CARMIL1: variants seen among roughly 807,000 people sequenced by gnomAD.
The protein encoded by CARMIL1 is capping protein regulator and myosin 1 linker 1, also known as F-actin-uncapping protein LRRC16A.
CARMIL1 carries 90 observed loss-of-function variants against 177.1 expected under a neutral mutation model. The observed-to-expected ratio is 0.51, with a 90% CI of 0.43 to 0.61. The LOEUF is 0.61. CARMIL1 is among the 20% of genes least tolerant of loss of function. The pLI, the probability that CARMIL1 is intolerant of heterozygous loss-of-function variation, is 0.00. For synonymous variants in CARMIL1, 577 were observed against 606.2 expected, an observed-to-expected ratio of 0.95 and a Z score of 0.71; for missense variants, 1,380 against 1,667.0, an observed-to-expected ratio of 0.83 and a Z score of 3.00.
At chr6:25,604,932 G>A (rs1210070489) in intron 34 of CARMIL1, 39 bp downstream of exon 34, 10 of 1,495,100 alleles carry the variant, frequency 6.7e-6, no homozygotes, top group African/African-American at 2.8e-5. Flanking sequence ...TAGGAAAAGC[G>A]CTTACCTTCT....
intron 31 of CARMIL1, among the ~76,000 whole-genome samples, chr6:25,589,935 AC>A (rs548486876): frequency 2.2e-4 from 34 of 152,326 alleles, no homozygotes; most frequent in African/African-American, 8.2e-4. Flanking sequence ...CATATTTCAG[AC>A]AGAGAAAAAG....
At chr6:25,522,258 C>G (rs1364242107) in intron 23 of CARMIL1, among the ~76,000 whole-genome samples, 1 of 152,172 alleles carries the variant, frequency 6.6e-6, no homozygotes, top group African/African-American at 2.4e-5. Flanking sequence ...TAAATCTGAG[C>G]AGACTAAAAT....
chr6:25,301,524 C>T (rs907299789), intron 2 of CARMIL1, among the ~76,000 whole-genome samples: 3 of 152,202 alleles, frequency 2.0e-5, no homozygotes, highest in Non-Finnish European at 1.5e-5. Context: ...GTTAAATCAT[C>T]ATTAACTGAG....
In CARMIL1 at chr6:25,510,613, GTT is replaced by G; in HGVS notation, c.1577+10_1577+11del. On this transcript the variant is annotated splice_region_variant and intron_variant, in intron 19 of 36. Coordinates refer to ENST00000329474, the MANE Select transcript of CARMIL1 (RefSeq NM_017640.6). ...TTAATAATATGAAATCCAAGTAAGAGTTTTGAATTTTTTTATATGACAATGAT... is the reference window on the plus strand; with the variant it reads ...TTAATAATATGAAATCCAAGTAAGAGTTGAATTTTTTTATATGACAATGAT... 6.5e-7 allele frequency: 1 copy of G among 1,536,436 alleles called. No homozygotes were observed. Among genetic ancestry groups the G allele is most frequent in the Non-Finnish European group, 8.8e-7 (1 of 1,135,884 alleles).
At chr6:25,608,513 T>G (rs1816200484) in intron 35 of CARMIL1, among the ~76,000 whole-genome samples, 2 of 152,220 alleles carry the variant, frequency 1.3e-5, no homozygotes, top group Non-Finnish European at 2.9e-5. Flanking sequence ...ATGCTGAATA[T>G]AAAACTAGCT....
intron 8 of CARMIL1, 69 bp downstream of exon 8, chr6:25,450,780 CCTCCCTT>C (rs1375820643): frequency 0.048 from 1,209 of 25,102 alleles, 72 homozygotes; most frequent in Admixed American, 0.25. Flanking sequence ...CCCTCCCCTC[CCTCCCTT>C]CCTCCCTCCC....
chr6:25,510,524 T>G lies in CARMIL1; in HGVS notation c.1495T>G (p.Ser499Ala). 6.5e-7 allele frequency: 1 copy of G among 1,549,648 alleles called. No homozygotes were observed. The highest frequency in any genetic ancestry group is 1.4e-5 in the African/African-American group (1 of 73,260). The part of the protein sequence containing the change: ...ISDNGLESDL[S>A]TLIVWLSKNR... The stretch of plus-strand genomic sequence containing the variant: ...CTTTCCAGGTTTAGAATCTGACCTA[T>G]CTACCTTAATAGTGTGGCTCAGTAA... The change falls in exon 19 of 37, where the codon TCT becomes GCT. Residue 499 changes from serine (S) to alanine (A), a missense_variant. Transcript: ENST00000329474.
chr6:25,618,705 T>G (rs558798351), intron 36 of CARMIL1, among the ~76,000 whole-genome samples: 1 of 152,330 alleles, frequency 6.6e-6, no homozygotes, highest in Admixed American at 6.5e-5. Context: ...TCTGTTCCAG[T>G]AATGATTCTC....
chr6:25,434,583 G>A (rs1367952200), intron 4 of CARMIL1, among the ~76,000 whole-genome samples: 1 of 146,230 alleles, frequency 6.8e-6, no homozygotes, highest in African/African-American at 2.5e-5. Context: ...GAGTGCAGTG[G>A]CACGATCTCG....
intron 29 of CARMIL1, among the ~76,000 whole-genome samples, chr6:25,561,633 T>G (rs547388638): frequency 6.6e-6 from 1 of 152,228 alleles, no homozygotes. Flanking sequence ...AAAAGTCTAT[T>G]TGACTTGGTC....
At chr6:25,530,517 G>C (rs1807647915) in intron 24 of CARMIL1, among the ~76,000 whole-genome samples, 1 of 152,076 alleles carries the variant, frequency 6.6e-6, no homozygotes, top group African/African-American at 2.4e-5. Flanking sequence ...GAGTAAATCG[G>C]CTATCTTACA....
intron 2 of CARMIL1, among the ~76,000 whole-genome samples, chr6:25,295,634 C>T (rs1051963661): frequency 4.6e-5 from 7 of 152,154 alleles, no homozygotes; most frequent in South Asian, 4.1e-4. Context: ...TGCTTGGATC[C>T]GTGTATTTCT....
intron 29 of CARMIL1, among the ~76,000 whole-genome samples, chr6:25,573,871 G>A (rs993241746): frequency 3.9e-5 from 6 of 152,154 alleles, no homozygotes; most frequent in African/African-American, 1.4e-4. Context: ...AACATGAAGA[G>A]GATGTGGCAC....
chr6:25,351,237 G>A (rs1008004568), intron 2 of CARMIL1, among the ~76,000 whole-genome samples: 1 of 150,052 alleles, frequency 6.7e-6, no homozygotes, highest in Non-Finnish European at 1.5e-5. Context: ...GATGTAAAAT[G>A]TCTCATTAAT....
At chr6:25,607,181 CACAAAAAAACACCA>C (rs1816052125) in intron 35 of CARMIL1, among the ~76,000 whole-genome samples, 1 of 141,156 alleles carries the variant, frequency 7.1e-6, no homozygotes, top group East Asian at 2.1e-4. Context: ...CAAAAAAACA[CACAAAAAAACACCA>C]CACACACACA....
chr6:25,363,964 C>T (rs1472593471), intron 2 of CARMIL1, among the ~76,000 whole-genome samples: 2 of 151,860 alleles, frequency 1.3e-5, no homozygotes, highest in East Asian at 3.9e-4. Flanking sequence ...TTTTTTGAGA[C>T]AGGGTCTCGC....
chr6:25,331,219 A>G (rs1190141998), intron 2 of CARMIL1, among the ~76,000 whole-genome samples: 2 of 152,122 alleles, frequency 1.3e-5, no homozygotes, highest in East Asian at 1.9e-4. Context: ...TTATTTTCAT[A>G]TAGGAGCTGC....
intron 29 of CARMIL1, among the ~76,000 whole-genome samples, chr6:25,573,537 C>T (rs80180116): frequency 0.019 from 2,777 of 145,958 alleles, 72 homozygotes; most frequent in African/African-American, 0.06. Context: ...GGCCAAAAGA[C>T]GCCTCTGCCA....
chr6:25,389,825 A>G (rs1792564368), intron 2 of CARMIL1, among the ~76,000 whole-genome samples: 1 of 152,220 alleles, frequency 6.6e-6, no homozygotes, highest in Non-Finnish European at 1.5e-5. Flanking sequence ...AATACAGTTT[A>G]GGAATGAAGA....
Sources: gnomAD v4.1 joint callset for allele counts (sites outside exome capture counted in the v4.1 genomes callset) on GRCh38, gnomAD v4.1.1 for gene constraint, MANE v1.5 for transcripts, NCBI Gene and HGNC (gene_info 2026-07-23, HGNC 2026-07-21) for gene names.